SDK1: variants seen among roughly 807,000 people sequenced by gnomAD.
SDK1 encodes the protein sidekick cell adhesion molecule 1, also known as protein sidekick-1.
A neutral mutation model predicts 245.5 loss-of-function variants in SDK1; 157 were observed. The observed-to-expected ratio is 0.64, with a 90% CI of 0.56 to 0.73. The LOEUF (loss-of-function observed/expected upper bound fraction) is 0.73, where lower values mean the gene tolerates loss of function less well. SDK1 is among the 30% of genes least tolerant of loss of function. The pLI is 0.00. For synonymous variants in SDK1, 1,647 were observed against 1,278.5 expected, an observed-to-expected ratio of 1.29 and a Z score of -6.15; for missense variants, 3,583 against 3,002.3, an observed-to-expected ratio of 1.19 and a Z score of -4.52.
chr7:3,349,328 A>C (rs1165418447), intron 1 of SDK1, among the ~76,000 whole-genome samples: 1 of 152,164 alleles, frequency 6.6e-6, no homozygotes, highest in East Asian at 1.9e-4. Context: ...ATAATCACTT[A>C]AAGAGAACGT....
chr7:3,827,636 A>G (rs763906588), intron 5 of SDK1, among the ~76,000 whole-genome samples: 17 of 152,238 alleles, frequency 1.1e-4, no homozygotes, highest in Non-Finnish European at 2.1e-4. Flanking sequence ...TACTAACTGT[A>G]ACACAGTCCA....
At chr7:3,394,230 A>G (rs530962102) in intron 1 of SDK1, among the ~76,000 whole-genome samples, 1 of 152,212 alleles carries the variant, frequency 6.6e-6, no homozygotes, top group South Asian at 2.1e-4. Flanking sequence ...AACTTTGTGT[A>G]GGGTCTAAGA....
intron 22 of SDK1, among the ~76,000 whole-genome samples, chr7:4,100,994 G>A (rs866161769): frequency 1.3e-5 from 2 of 152,190 alleles, no homozygotes; most frequent in African/African-American, 4.8e-5. Context: ...ACGGGGGAAG[G>A]GAGGCCTATG....
chr7:3,455,852 A>G lies in SDK1; in HGVS notation c.298+153968A>G, dbSNP rs115593219. Among the ~76,000 whole-genome samples, 199 of 152,336 alleles carry G rather than the reference A, an allele frequency of 1.3e-3. 4 individuals are homozygous for G. Among genetic ancestry groups the G allele is most frequent in the African/African-American group, 4.6e-3 (193 of 41,568 alleles). ...TTTTGATAGGAATTGTGTTAAGCCA[A>G]TAGATCAATTTGGCGAGGAGTTGAC... On this transcript the variant is annotated intron_variant, in intron 1 of 44. Transcript: ENST00000404826.
chr7:3,726,762 C>T (rs1350876119), intron 4 of SDK1, among the ~76,000 whole-genome samples: 1 of 152,188 alleles, frequency 6.6e-6, no homozygotes, highest in South Asian at 2.1e-4. Context: ...ACCAGCAGAC[C>T]TTCCTGCAGA....
intron 17 of SDK1, among the ~76,000 whole-genome samples, chr7:4,025,330 C>G (rs1787256958): frequency 6.6e-6 from 1 of 152,250 alleles, no homozygotes; most frequent in South Asian, 2.1e-4. Context: ...CCTGTCTTAT[C>G]CTTTCAACTG....
At chr7:3,799,704 CA>C (rs34448201) in intron 4 of SDK1, among the ~76,000 whole-genome samples, 2,416 of 109,028 alleles carry the variant, frequency 0.022, 58 homozygotes, top group African/African-American at 0.07. Context: ...GACTCCATCT[CA>C]AAAAAAAAAA....
rs544689674 is a variant in SDK1 at position 3,508,456 on chromosome 7, T to C, written c.299-110624T>C. Among the ~76,000 whole-genome samples the C allele has an allele frequency of 9.2e-5, 14 of 151,854 alleles. No homozygotes were observed. The East Asian group carries it at 1.9e-3, about 21-fold the overall frequency. ...AATTCTCCTGCCTCAGCCTCCTGAG[T>C]AGCTGGGATTACAGCTGCCCGCCAC... On this transcript the variant is annotated intron_variant, in intron 1 of 44. Coordinates refer to ENST00000404826, the MANE Select transcript of SDK1 (RefSeq NM_152744.4).
At chr7:4,046,128 G>C (rs1045166313) in intron 17 of SDK1, among the ~76,000 whole-genome samples, 1 of 151,410 alleles carries the variant, frequency 6.6e-6, no homozygotes, top group South Asian at 2.1e-4. Context: ...TCTTTGTAGC[G>C]GTGGGGTCTC....
rs1245412245 is a variant in SDK1, at chr7:4,266,665, G to C, written c.*1281G>C. ...ACTTTGGAAAACTTAACAGCTCAGA[G>C]ATGGCCATGCCTCCAGCCCCTCACG... On this transcript the variant is annotated 3_prime_UTR_variant, in exon 45 of 45. Transcript: ENST00000404826. 4 of 985,344 alleles carry C rather than the reference G, an allele frequency of 4.1e-6. No individual in the cohort carries two copies. The allele number at this position is 985,344 out of a possible 1,614,324, so 61.0% of individuals were successfully genotyped here.
intron 1 of SDK1, among the ~76,000 whole-genome samples, chr7:3,313,929 A>C (rs1008911161): frequency 6.6e-6 from 1 of 152,200 alleles, no homozygotes; most frequent in East Asian, 1.9e-4. Flanking sequence ...TTTTTGTCAA[A>C]ATTTTAAAAA....
chr7:3,969,106 T>G (rs1353470268), intron 10 of SDK1, 151 bp from the exon 11 acceptor site: 2 of 650,180 alleles, frequency 3.1e-6, no homozygotes, highest in African/African-American at 3.7e-5. Flanking sequence ...CCCACCAGAT[T>G]CCTCCCCCGA....
At chr7:3,959,408 C>T (rs1235149511) in intron 8 of SDK1, among the ~76,000 whole-genome samples, 1 of 152,080 alleles carries the variant, frequency 6.6e-6, no homozygotes, top group African/African-American at 2.4e-5. Flanking sequence ...AGCACAGCCA[C>T]TCTAGAAAGG....
At chr7:3,567,476 G>A (rs1308095284) in intron 1 of SDK1, among the ~76,000 whole-genome samples, 2 of 152,180 alleles carry the variant, frequency 1.3e-5, no homozygotes, top group African/African-American at 2.4e-5. Flanking sequence ...GTGTCTTGAC[G>A]TTTAGACTAA....
chr7:3,998,732 T>C lies in SDK1; in HGVS notation c.2131+11410T>C, dbSNP rs144902010. On this transcript the variant is annotated intron_variant, in intron 14 of 44. Transcript: ENST00000404826. ...ATTAGGAGTTAATCCCATATCTTCA[T>C]GTTTTCTAACAATGTGCGGGAGGAA... Among the ~76,000 whole-genome samples, 506 of 152,350 alleles carry C rather than the reference T, an allele frequency of 3.3e-3. 2 individuals carry two copies. Among genetic ancestry groups the C allele is most frequent in the African/African-American group, 0.012 (489 of 41,588 alleles).
intron 12 of SDK1, 99 bp downstream of exon 12, chr7:3,971,667 T>C (rs1400285925): frequency 2.3e-6 from 2 of 882,816 alleles, no homozygotes; most frequent in Non-Finnish European, 3.7e-6. Context: ...GAACTTTTGA[T>C]TTCAGCAGCA....
At chr7:3,591,587 C>T (rs994369343) in intron 1 of SDK1, among the ~76,000 whole-genome samples, 1 of 152,218 alleles carries the variant, frequency 6.6e-6, no homozygotes, top group Non-Finnish European at 1.5e-5. Flanking sequence ...TTTGAAAGAA[C>T]ATGCGACCAG....
chr7:3,469,281 AT>A (rs1451372755), intron 1 of SDK1, among the ~76,000 whole-genome samples: 1 of 152,142 alleles, frequency 6.6e-6, no homozygotes, highest in African/African-American at 2.4e-5. Context: ...CAAATGAAAC[AT>A]TAGTCAGGGG....
chr7:3,748,151 G>T lies in SDK1; in HGVS notation c.714-73299G>T, dbSNP rs766115894. Among the ~76,000 whole-genome samples the T allele has an allele frequency of 4.7e-4, 71 of 152,102 alleles. 1 individual carries two copies. The highest frequency in any genetic ancestry group is 8.8e-4 in the Non-Finnish European group (60 of 67,984). Reference sequence around the variant, plus strand: ...AATAGTTAATGCTATAATATTAAACGTTGAAAGCAGGGTACAAAACAGCAT... The same window carrying T: ...AATAGTTAATGCTATAATATTAAACTTTGAAAGCAGGGTACAAAACAGCAT... On this transcript the variant is annotated intron_variant, in intron 4 of 44. Coordinates refer to ENST00000404826, the MANE Select transcript of SDK1 (RefSeq NM_152744.4).
Sources: gnomAD v4.1 joint callset for allele counts (sites outside exome capture counted in the v4.1 genomes callset) on GRCh38, gnomAD v4.1.1 for gene constraint, MANE v1.5 for transcripts, NCBI Gene and HGNC (gene_info 2026-07-23, HGNC 2026-07-21) for gene names.